The following SPAST variants were observed in gnomAD, a reference collection of about 807,000 sequenced individuals.
SPAST encodes spastic paraplegia 4 (autosomal dominant; spastin).
SPAST carries 30 observed loss-of-function variants against 76.6 expected under a neutral mutation model. The observed-to-expected ratio is 0.39, with a 90% CI of 0.29 to 0.53. The LOEUF is 0.53. SPAST is among the 20% of genes least tolerant of loss of function. SPAST has a pLI of 0.68. For missense variants in SPAST, 717 were observed against 770.5 expected, an observed-to-expected ratio of 0.93 and a Z score of 0.82; for synonymous variants, 305 against 281.0, an observed-to-expected ratio of 1.09 and a Z score of -0.86.
Position 32,096,929 on chromosome 2 carries a change from A to G in SPAST, c.587-1867A>G, listed in dbSNP as rs184459683. On this transcript the variant is annotated intron_variant, in intron 3 of 16. Coordinates refer to ENST00000315285, the MANE Select transcript of SPAST (RefSeq NM_014946.4). ...ATATTGTATCAGCCAGTTCTAGGAT[A>G]CAAAAGCCATGCAGTACTTTGTGTT... is the stretch of plus-strand genomic sequence containing the variant. Among the ~76,000 whole-genome samples, 6 of 152,000 alleles carry G rather than the reference A, an allele frequency of 3.9e-5. No individual in the cohort carries two copies. In the South Asian group the frequency reaches 6.2e-4, roughly 16 times the overall value.
At chr2:32,134,581 G>C (rs1679474186) in intron 9 of SPAST, among the ~76,000 whole-genome samples, 1 of 152,172 alleles carries the variant, frequency 6.6e-6, no homozygotes, top group African/African-American at 2.4e-5. Flanking sequence ...TAGGATCACA[G>C]GCATGAGTCA....
At position 32,112,244 on chromosome 2, in the gene SPAST, C is replaced by A. The variant is rs116073309; in HGVS notation, c.683-2394C>A. On this transcript the variant is annotated intron_variant, in intron 4 of 16. Transcript: ENST00000315285. ...CTAGGATTACAGGCATGAACCACTG[C>A]GTCTGGCCTTAAGTTATTATTGACT... is the stretch of plus-strand genomic sequence containing the variant. 5.9e-3 allele frequency among the ~76,000 whole-genome samples: 892 copies of A among 151,706 alleles called. 11 individuals are homozygous for A. The highest frequency in any genetic ancestry group is 0.02 in the African/African-American group (835 of 41,410).
intron 7 of SPAST, 115 bp downstream of exon 7, chr2:32,116,327 A>C: frequency 1.4e-6 from 1 of 717,178 alleles, no homozygotes; most frequent in South Asian, 1.6e-5. Flanking sequence ...ATATAAGGTA[A>C]CAATAGATTT....
chr2:32,134,733 C>T (rs1306839291), intron 9 of SPAST, among the ~76,000 whole-genome samples: 2 of 152,022 alleles, frequency 1.3e-5, no homozygotes, highest in Non-Finnish European at 2.9e-5. Context: ...CTCACTTTTT[C>T]GCCCCAGGCC....
chr2:32,136,739 T>C lies in SPAST; in HGVS notation c.1321+101T>C, dbSNP rs1460831525. 3 of 1,305,018 alleles carry C rather than the reference T, an allele frequency of 2.3e-6. No homozygotes were observed. The Middle Eastern group carries it at 5.6e-4, about 245-fold the overall frequency. 80.8% of individuals were successfully genotyped at this position (1,305,018 alleles called of 1,614,324 possible). A position where few individuals can be genotyped will look rare whatever the true frequency, so the allele number is the denominator to read the frequency against. ...AAACATTATTCAGAAGGAAGAAGTT[T>C]TAAAGAAGGGCAAGCTTAAAGACTA... On this transcript the variant is annotated intron_variant, in intron 10 of 16. Transcript: ENST00000315285.
intron 2 of SPAST, among the ~76,000 whole-genome samples, chr2:32,088,886 A>G (rs1677599632): frequency 6.6e-6 from 1 of 152,184 alleles, no homozygotes; most frequent in Admixed American, 6.5e-5. Flanking sequence ...TTGTGACTGC[A>G]GCATGGTGGA....
chr2:32,104,433 A>G (rs535462503), intron 4 of SPAST, among the ~76,000 whole-genome samples: 9 of 152,140 alleles, frequency 5.9e-5, no homozygotes, highest in East Asian at 1.9e-4. Context: ...TTTTAATTGG[A>G]GCATTTAGCC....
intron 12 of SPAST, among the ~76,000 whole-genome samples, chr2:32,140,125 T>C (rs1387408200): frequency 6.6e-6 from 1 of 152,194 alleles, no homozygotes; most frequent in Non-Finnish European, 1.5e-5. Context: ...AATTTTCTTC[T>C]TCATCCTTTT....
At chr2:32,110,396 G>T (rs1187841842) in intron 4 of SPAST, among the ~76,000 whole-genome samples, 1 of 148,694 alleles carries the variant, frequency 6.7e-6, no homozygotes, top group African/African-American at 2.5e-5. Context: ...GGGATTACAG[G>T]CGTGAGCCAC....
In SPAST at chr2:32,154,769, T is replaced by C; in HGVS notation, c.*273T>C. 2.4e-6 allele frequency: 1 copy of C among 416,750 alleles called. No individual in the cohort carries two copies. Among genetic ancestry groups the C allele is most frequent in the Non-Finnish European group, 4.4e-6 (1 of 228,726 alleles). The allele number at this position is 416,750 out of a possible 1,614,324, so 25.8% of individuals were successfully genotyped here. On this transcript the variant is annotated 3_prime_UTR_variant, in exon 17 of 17. Transcript: ENST00000315285. ...AGCACAACAAAACCTGATTCTGGTCTTCTTTACCAATATAATCATAATGTA... is the reference window on the plus strand; with the variant it reads ...AGCACAACAAAACCTGATTCTGGTCCTCTTTACCAATATAATCATAATGTA...
chr2:32,075,480 CA>C (rs70938316), intron 1 of SPAST, among the ~76,000 whole-genome samples: 196 of 96,574 alleles, frequency 2.0e-3, no homozygotes, highest in African/African-American at 2.7e-3. Flanking sequence ...ATTGTGATGA[CA>C]AAAAAAAAAA....
At chr2:32,116,837 G>A (rs376732466) in intron 7 of SPAST, among the ~76,000 whole-genome samples, 2 of 152,098 alleles carry the variant, frequency 1.3e-5, no homozygotes, top group South Asian at 2.1e-4. Flanking sequence ...GTGTGGGGGC[G>A]CACGCTTGTA....
chr2:32,145,159 ATAGTTCACTGCAGCCTCGAACCCC>A, intron 15 of SPAST, 152 bp downstream of exon 15: 4 of 613,980 alleles, frequency 6.5e-6, no homozygotes, highest in Non-Finnish European at 8.8e-6. Context: ...TGGCACAATC[ATAGTTCACTGCAGCCTCGAACCCC>A]CCAGGCTCAG....
rs539873849 is a variant in SPAST, at chr2:32,126,579, C to T, written c.1099-369C>T. 2.6e-5 allele frequency: 4 copies of T among 152,066 alleles called. No homozygotes were observed. In the South Asian group the frequency reaches 7.2e-4, roughly 27 times the overall value. The allele number at this position is 152,066 out of a possible 1,614,324, so 9.4% of individuals were successfully genotyped here. A position where few individuals can be genotyped will look rare whatever the true frequency, so the allele number is the denominator to read the frequency against. On this transcript the variant is annotated intron_variant, in intron 7 of 16. Coordinates refer to ENST00000315285, the MANE Select transcript of SPAST (RefSeq NM_014946.4). ...CACTGCACCCTTGGCCTCCCAAGCT[C>T]AAGTGATCCTCCCACCTCAGCCTCC... is the stretch of plus-strand genomic sequence containing the variant.
intron 16 of SPAST, 97 bp downstream of exon 16, chr2:32,147,355 T>G (rs1679925157): frequency 5.6e-6 from 4 of 720,132 alleles, no homozygotes; most frequent in Admixed American, 5.8e-5. Context: ...GTTTTTTTTT[T>G]TTTTTTTTTT....
rs758749127 is a variant in SPAST at position 32,064,128 on chromosome 2, TGCCTCG to T, written c.307_312del (p.Ser103_Ala104del). The T allele has an allele frequency of 1.9e-6, 3 of 1,583,980 alleles. No homozygotes were observed. Among genetic ancestry groups the T allele is most frequent in the African/African-American group, 2.7e-5 (2 of 74,120 alleles). On this transcript the variant is annotated inframe_deletion, in exon 1 of 17. Transcript: ENST00000315285. ...GGAGCTCCGGGGCCGCGCCAGCACCTGCCTCGGCCTCGGCCCCGGCGCCGGTGCCGG... is the reference window on the plus strand; with the variant it reads ...GGAGCTCCGGGGCCGCGCCAGCACCTGCCTCGGCCCCGGCGCCGGTGCCGG...
chr2:32,084,499 T>G (rs1677391121), intron 1 of SPAST, among the ~76,000 whole-genome samples: 1 of 152,094 alleles, frequency 6.6e-6, no homozygotes, highest in Non-Finnish European at 1.5e-5. Context: ...TTAAAGAAAC[T>G]GCAGGTATGC....
At chr2:32,154,268 T>C in intron 16 of SPAST, 106 bp from the exon 17 acceptor site, 1 of 986,386 alleles carries the variant, frequency 1.0e-6, no homozygotes, top group Non-Finnish European at 1.6e-6. Flanking sequence ...ACGTATATTT[T>C]TTATAACATT....
At chr2:32,073,205 A>AT (rs1418823925) in intron 1 of SPAST, among the ~76,000 whole-genome samples, 1 of 152,104 alleles carries the variant, frequency 6.6e-6, no homozygotes, top group Non-Finnish European at 1.5e-5. Flanking sequence ...GAATCATTTT[A>AT]TTTTTTTAGT....
Sources: gnomAD v4.1 joint callset for allele counts (sites outside exome capture counted in the v4.1 genomes callset) on GRCh38, gnomAD v4.1.1 for gene constraint, MANE v1.5 for transcripts, NCBI Gene and HGNC (gene_info 2026-07-23, HGNC 2026-07-21) for gene names.